The following GNAQ variants were observed in gnomAD, a reference collection of about 807,000 sequenced individuals.
GNAQ encodes guanine nucleotide-binding protein G(q) subunit alpha.
GNAQ carries 8 observed loss-of-function variants against 43.9 expected under a neutral mutation model. That is an observed-to-expected ratio of 0.18 (90% CI 0.11 to 0.33). The LOEUF (loss-of-function observed/expected upper bound fraction) is 0.33, where lower values mean the gene tolerates loss of function less well. GNAQ is among the 10% of genes least tolerant of loss of function. The probability of loss-of-function intolerance (pLI) is 1.00; values close to 1 mark genes in which losing one functional copy is unlikely to be tolerated. For synonymous variants in GNAQ, 155 were observed against 170.7 expected (o/e 0.91, Z 0.71); for missense variants, 158 against 450.8 (o/e 0.35, Z 5.88).
chr9:77,889,402 C>A (rs903857452), intron 2 of GNAQ, among the ~76,000 whole-genome samples: 9 of 90,406 alleles, frequency 1.0e-4, no homozygotes, highest in South Asian at 4.5e-4. Context: ...CAAAGCCAGA[C>A]CCTGTCTCAA....
chr9:77,761,563 C>G (rs1414647300), intron 5 of GNAQ, among the ~76,000 whole-genome samples: 2 of 139,720 alleles, frequency 1.4e-5, no homozygotes, highest in Non-Finnish European at 3.2e-5. Flanking sequence ...GTCAGCCCCC[C>G]GCCCGGCCAG....
intron 2 of GNAQ, among the ~76,000 whole-genome samples, chr9:77,884,441 C>G (rs918666991): frequency 1.3e-5 from 2 of 151,986 alleles, no homozygotes; most frequent in Non-Finnish European, 2.9e-5. Context: ...TTATTTCAAG[C>G]GGGAAAAAAT....
At chr9:77,764,046 C>T (rs2118349394) in intron 5 of GNAQ, among the ~76,000 whole-genome samples, 1 of 152,266 alleles carries the variant, frequency 6.6e-6, no homozygotes, top group African/African-American at 2.4e-5. Context: ...TGAGCTGGTA[C>T]ATAGATTTTA....
At chr9:77,979,343 C>T (rs983317085) in intron 1 of GNAQ, among the ~76,000 whole-genome samples, 1 of 138,374 alleles carries the variant, frequency 7.2e-6, no homozygotes, top group South Asian at 2.3e-4. Context: ...GCAACAAGAG[C>T]GAGACTCTGT....
At chr9:77,804,445 T>C (rs926909758) in intron 3 of GNAQ, among the ~76,000 whole-genome samples, 16 of 152,142 alleles carry the variant, frequency 1.1e-4, no homozygotes, top group Admixed American at 9.2e-4. Context: ...GGCAGAAAGA[T>C]TGCTTGAACC....
Position 78,031,087 on chromosome 9 carries a change from G to C in GNAQ, c.136+13C>G. Reference sequence around the variant, plus strand: ...GGGCGCAGAGGCCCGGCGGGGCCCCGGACGGTACTCACCGAGCAGCAGCAG... The same window carrying C: ...GGGCGCAGAGGCCCGGCGGGGCCCCCGACGGTACTCACCGAGCAGCAGCAG... On this transcript the variant is annotated intron_variant, in intron 1 of 6. Transcript: ENST00000286548. The C allele has an allele frequency of 1.3e-6, 2 of 1,494,280 alleles. No individual in the cohort carries two copies. The highest frequency in any genetic ancestry group is 1.8e-6 in the Non-Finnish European group (2 of 1,118,646). 92.6% of individuals were successfully genotyped at this position (1,494,280 alleles called of 1,614,324 possible).
intron 2 of GNAQ, among the ~76,000 whole-genome samples, chr9:77,904,317 C>CCT (rs1244010736): frequency 2.6e-5 from 2 of 77,406 alleles, no homozygotes; most frequent in African/African-American, 1.1e-4. Context: ...TTCACACCGG[C>CCT]TTTTTTTTTT....
At chr9:77,938,858 T>C (rs1829272388) in intron 1 of GNAQ, among the ~76,000 whole-genome samples, 1 of 152,222 alleles carries the variant, frequency 6.6e-6, no homozygotes, top group Non-Finnish European at 1.5e-5. Flanking sequence ...CTGCTAAGTA[T>C]GCACAACTGA....
intron 1 of GNAQ, among the ~76,000 whole-genome samples, chr9:77,951,995 T>C (rs1212531814): frequency 6.6e-6 from 1 of 152,218 alleles, no homozygotes; most frequent in Non-Finnish European, 1.5e-5. Context: ...CCTCATTCCG[T>C]CTAGCTTCAG....
At chr9:77,978,001 T>C (rs1342788913) in intron 1 of GNAQ, among the ~76,000 whole-genome samples, 1 of 152,202 alleles carries the variant, frequency 6.6e-6, no homozygotes, top group African/African-American at 2.4e-5. Flanking sequence ...TTCCTGACAC[T>C]GTACATCTAC....
intron 1 of GNAQ, among the ~76,000 whole-genome samples, chr9:77,978,813 A>T (rs1034318879): frequency 2.3e-4 from 35 of 152,104 alleles, no homozygotes; most frequent in Admixed American, 2.3e-3. Flanking sequence ...TAATCCCAGC[A>T]CTTTGGGAGG....
At chr9:77,806,793 C>T (rs752823449) in intron 3 of GNAQ, among the ~76,000 whole-genome samples, 3 of 152,092 alleles carry the variant, frequency 2.0e-5, no homozygotes, top group African/African-American at 4.8e-5. Context: ...TTAGGCTGAG[C>T]GTGAACTACA....
chr9:77,930,631 A>G (rs539375807), intron 1 of GNAQ, among the ~76,000 whole-genome samples: 1 of 152,346 alleles, frequency 6.6e-6, no homozygotes, highest in African/African-American at 2.4e-5. Flanking sequence ...AAATAAACAT[A>G]CATATTTTGA....
At position 77,769,381 on chromosome 9, in the gene GNAQ, G is replaced by A. The variant is rs147410368; in HGVS notation, c.735+25082C>T. 2.1e-3 allele frequency among the ~76,000 whole-genome samples: 312 copies of A among 151,410 alleles called. 2 individuals carry two copies. Among genetic ancestry groups the A allele is most frequent in the African/African-American group, 7.4e-3 (304 of 41,228 alleles). ...ATTGCGCCACTGCACTCCAGCCTGG[G>A]TGACAGCACAAGACTACCTTAAAAA... On this transcript the variant is annotated intron_variant, in intron 5 of 6. Transcript: ENST00000286548.
At chr9:77,817,353 C>G (rs573258186) in intron 2 of GNAQ, among the ~76,000 whole-genome samples, 54 of 151,964 alleles carry the variant, frequency 3.6e-4, no homozygotes, top group African/African-American at 1.2e-3. Context: ...TAGCAAGGTG[C>G]CTGGCAAGTG....
At chr9:77,829,479 C>G (rs1397637531) in intron 2 of GNAQ, among the ~76,000 whole-genome samples, 2 of 152,200 alleles carry the variant, frequency 1.3e-5, no homozygotes, top group Non-Finnish European at 2.9e-5. Flanking sequence ...AAGGACACAT[C>G]TGACTACTAT....
intron 1 of GNAQ, among the ~76,000 whole-genome samples, chr9:78,007,149 G>A (rs944217650): frequency 1.6e-4 from 25 of 152,112 alleles, no homozygotes; most frequent in Admixed American, 1.4e-3. Context: ...TGCCTCTAAC[G>A]TATTCATTAC....
At chr9:77,820,833 C>T (rs80007175) in intron 2 of GNAQ, among the ~76,000 whole-genome samples, 2,234 of 152,258 alleles carry the variant, frequency 0.015, 51 homozygotes, top group African/African-American at 0.051. Flanking sequence ...CCTTCCTGAA[C>T]CTCAGTTTCT....
At chr9:78,024,814 T>C (rs1823957331) in intron 1 of GNAQ, among the ~76,000 whole-genome samples, 1 of 152,154 alleles carries the variant, frequency 6.6e-6, no homozygotes, top group Non-Finnish European at 1.5e-5. Flanking sequence ...TGCATGAAAC[T>C]GTTCCTTCTT....
Sources: gnomAD v4.1 joint callset for allele counts (sites outside exome capture counted in the v4.1 genomes callset) on GRCh38, gnomAD v4.1.1 for gene constraint, MANE v1.5 for transcripts, NCBI Gene and HGNC (gene_info 2026-07-23, HGNC 2026-07-21) for gene names.